The following CFLAR variants were observed in gnomAD, a reference collection of about 807,000 sequenced individuals.
The protein encoded by CFLAR is CASP8 and FADD-like apoptosis regulator.
CFLAR carries 14 observed loss-of-function variants against 51.1 expected under a neutral mutation model. That is an observed-to-expected ratio of 0.27 (90% confidence interval 0.18 to 0.43). CFLAR has a LOEUF of 0.43. Ranked by LOEUF, CFLAR falls within the 20% of genes least tolerant of loss-of-function variation. The probability of loss-of-function intolerance (pLI) is 1.00; values close to 1 mark genes in which losing one functional copy is unlikely to be tolerated. For missense variants in CFLAR, 390 were observed against 566.5 expected, an observed-to-expected ratio of 0.69 and a Z score of 3.16; for synonymous variants, 210 against 211.6, an observed-to-expected ratio of 0.99 and a Z score of 0.06.
intron 5 of CFLAR, among the ~76,000 whole-genome samples, chr2:201,145,143 G>A (rs906349044): frequency 1.3e-5 from 2 of 152,108 alleles, no homozygotes; most frequent in Admixed American, 6.6e-5. Context: ...GTCAGCCATC[G>A]CTCCCGGCCT....
chr2:201,154,371 C>G (rs56009967), intron 8 of CFLAR: 38,229 of 156,064 alleles, frequency 0.24, 5,485 homozygotes, highest in African/African-American at 0.4. Flanking sequence ...TTACAGGCGT[C>G]AGCCATCATG....
intron 1 of CFLAR, among the ~76,000 whole-genome samples, chr2:201,127,798 C>T (rs890186599): frequency 6.6e-6 from 1 of 152,158 alleles, no homozygotes; most frequent in Non-Finnish European, 1.5e-5. Flanking sequence ...TGCTGCCAAA[C>T]TCTACCCCCG....
intron 6 of CFLAR, chr2:201,147,879 A>AAAT (rs1239642227): frequency 1.3e-5 from 2 of 152,132 alleles, no homozygotes; most frequent in African/African-American, 4.8e-5. Context: ...ATAAATAAAT[A>AAAT]AATAATAATA....
Position 201,137,544 on chromosome 2 carries a change from A to G in CFLAR, c.523+1437A>G, listed in dbSNP as rs966373592. 9 of 688,966 alleles carry G rather than the reference A, an allele frequency of 1.3e-5. No homozygotes were observed. The African/African-American group carries it at 1.6e-4, about 12-fold the overall frequency. The allele number at this position is 688,966 out of a possible 1,614,324, so 42.7% of individuals were successfully genotyped here. On this transcript the variant is annotated intron_variant, in intron 4 of 9. Transcript: ENST00000309955. ...GTACAGCCACTTCTCGTAAGAGTGCAGGCCATGGATGCCACCGTCGATCTG... is the reference window on the plus strand; with the variant it reads ...GTACAGCCACTTCTCGTAAGAGTGCGGGCCATGGATGCCACCGTCGATCTG...
intron 3 of CFLAR, 72 bp downstream of exon 3, chr2:201,133,206 G>A: frequency 8.7e-7 from 1 of 1,153,428 alleles, no homozygotes. Flanking sequence ...TTGATACAGA[G>A]AGAGGGAAGC....
intron 1 of CFLAR, among the ~76,000 whole-genome samples, chr2:201,119,810 G>A (rs2047992761): frequency 1.3e-5 from 2 of 149,170 alleles, no homozygotes; most frequent in South Asian, 4.2e-4. Context: ...GGTTCATTCC[G>A]TAGAGATAAC....
chr2:201,154,111 G>A (rs1941758580), intron 8 of CFLAR: 1 of 299,308 alleles, frequency 3.3e-6, no homozygotes, highest in Admixed American at 4.4e-5. Context: ...TTATTTTTAA[G>A]ACGGAGTTTC....
At position 201,138,701 on chromosome 2, in the gene CFLAR, C is replaced by CACGG; in HGVS notation, c.524-1655_524-1652dup. ...CCACAGTGTGCAAGGGGCTCAGCAC[C>CACGG]ACGGGGTGTGTGATAAAGCCCGGTT... On this transcript the variant is annotated intron_variant, in intron 4 of 9. Coordinates refer to ENST00000309955, the MANE Select transcript of CFLAR (RefSeq NM_003879.7). This position sits in a 1 kb window ranked among gnomAD's most constrained non-coding sequence, Gnocchi z 4.0. The CACGG allele has an allele frequency of 2.4e-6, 2 of 833,708 alleles. No homozygotes were observed. Among genetic ancestry groups the CACGG allele is most frequent in the Middle Eastern group, 3.4e-4 (1 of 2,946 alleles). 51.6% of individuals were successfully genotyped at this position (833,708 alleles called of 1,614,324 possible).
rs1944132329 is a variant in CFLAR, at chr2:201,174,203, A to G, written c.*10230A>G. 1 of 152,122 alleles carries G rather than the reference A, an allele frequency of 6.6e-6. No individual in the cohort carries two copies. The highest frequency in any genetic ancestry group is 1.5e-5 in the Non-Finnish European group (1 of 68,020). 9.4% of individuals were successfully genotyped at this position (152,122 alleles called of 1,614,324 possible). A position where few individuals can be genotyped will look rare whatever the true frequency, so the allele number is the denominator to read the frequency against. ...ACCTAAAAAACCATTGTCTAAATCA[A>G]TTGCCTATGAGGTGTTACCCCTATG... is the stretch of plus-strand genomic sequence containing the variant. On this transcript the variant is annotated 3_prime_UTR_variant, in exon 10 of 10. Transcript: ENST00000309955.
In CFLAR at chr2:201,166,702, T is replaced by A. The variant is rs532256053; in HGVS notation, c.*2729T>A. 51 of 170,986 alleles carry A rather than the reference T, an allele frequency of 3.0e-4. No homozygotes were observed. The highest frequency in any genetic ancestry group is 5.2e-4 in the Non-Finnish European group (43 of 82,266). 10.6% of individuals were successfully genotyped at this position (170,986 alleles called of 1,614,324 possible). ...ATTGAGCACTGAGTGGACGAGACTC[T>A]GCCCGCAATCCCGGCACCTCGGGAG... On this transcript the variant is annotated 3_prime_UTR_variant, in exon 10 of 10. Transcript: ENST00000309955.
At position 201,133,224 on chromosome 2, in the gene CFLAR, C is replaced by T. The variant is rs1269260353; in HGVS notation, c.387+90C>T. Reference sequence around the variant, plus strand: ...ATACAGAGAGAGGGAAGCAGGCAGTCTGCCGCCACTATAGTGGGAGTCAGA... The same window carrying T: ...ATACAGAGAGAGGGAAGCAGGCAGTTTGCCGCCACTATAGTGGGAGTCAGA... On this transcript the variant is annotated intron_variant, in intron 3 of 9. Transcript: ENST00000309955. 3 of 883,616 alleles carry T rather than the reference C, an allele frequency of 3.4e-6. No individual in the cohort carries two copies. In the African/African-American group the frequency reaches 5.0e-5, roughly 15 times the overall value. The allele number at this position is 883,616 out of a possible 1,614,324, so 54.7% of individuals were successfully genotyped here.
At position 201,172,662 on chromosome 2, in the gene CFLAR, C is replaced by T. The variant is rs181941301; in HGVS notation, c.*8689C>T. The T allele has an allele frequency of 2.0e-5, 3 of 152,182 alleles. No individual in the cohort carries two copies. The highest frequency in any genetic ancestry group is 4.4e-5 in the Non-Finnish European group (3 of 68,040). The allele number at this position is 152,182 out of a possible 1,614,324, so 9.4% of individuals were successfully genotyped here. On this transcript the variant is annotated 3_prime_UTR_variant, in exon 10 of 10. Coordinates refer to ENST00000309955, the MANE Select transcript of CFLAR (RefSeq NM_003879.7). Reference sequence around the variant, plus strand: ...ATATTTTATAAAAATAAACATGTGGCCTTTCGTGTCTGACTTCCTTCACTT... The same window carrying T: ...ATATTTTATAAAAATAAACATGTGGTCTTTCGTGTCTGACTTCCTTCACTT...
At chr2:201,149,665 A>C in intron 7 of CFLAR, 89 bp from the exon 8 acceptor site, 2 of 977,946 alleles carry the variant, frequency 2.0e-6, no homozygotes, top group Non-Finnish European at 3.2e-6. Flanking sequence ...TGCCAAAGGA[A>C]ATCCAAAAGA....
rs539524857 is a variant in CFLAR, at chr2:201,135,394, G to A, written c.388-578G>A. 3.9e-5 allele frequency among the ~76,000 whole-genome samples: 6 copies of A among 152,116 alleles called. No homozygotes were observed. The South Asian group carries it at 1.0e-3, about 26-fold the overall frequency. On this transcript the variant is annotated intron_variant, in intron 3 of 9. Transcript: ENST00000309955. Reference sequence around the variant, plus strand: ...TGTCTTTTCAGCCCTGCTCTTTCACGGTCCTTCTCAATGACACAACATGGC... The same window carrying A: ...TGTCTTTTCAGCCCTGCTCTTTCACAGTCCTTCTCAATGACACAACATGGC...
chr2:201,150,128 GTT>G (rs1449616067), intron 8 of CFLAR: 1 of 178,988 alleles, frequency 5.6e-6, no homozygotes, highest in Non-Finnish European at 1.2e-5. Flanking sequence ...GAGGTCAGGA[GTT>G]CAAGACCAGC....
In CFLAR at chr2:201,124,197, T is replaced by C. The variant is rs560299686; in HGVS notation, c.-137-5532T>C. Among the ~76,000 whole-genome samples the C allele has an allele frequency of 1.3e-5, 2 of 152,260 alleles. No homozygotes were observed. Among genetic ancestry groups the C allele is most frequent in the South Asian group, 2.1e-4 (1 of 4,822 alleles). On this transcript the variant is annotated intron_variant, in intron 1 of 9. Transcript: ENST00000309955. The surrounding 1 kb of genome is among the most constrained non-coding windows in gnomAD (Gnocchi z 4.7). ...AATATGTGCCTTTGTTACCAGATAGTTTGGGGGCAGCGTTGGTGTTCTGTG... is the reference window on the plus strand; with the variant it reads ...AATATGTGCCTTTGTTACCAGATAGCTTGGGGGCAGCGTTGGTGTTCTGTG...
At chr2:201,119,948 C>A (rs2048021665) in intron 1 of CFLAR, among the ~76,000 whole-genome samples, 1 of 141,322 alleles carries the variant, frequency 7.1e-6, no homozygotes, top group Admixed American at 7.1e-5. Context: ...CAAGATATTT[C>A]ATTTTTTAAA....
intron 1 of CFLAR, among the ~76,000 whole-genome samples, chr2:201,125,713 G>T (rs1294627910): frequency 6.6e-6 from 1 of 152,074 alleles, no homozygotes; most frequent in African/African-American, 2.4e-5. Context: ...TGGGAAAGGA[G>T]CTGAACAGAG....
chr2:201,149,869 C>T (rs1179937056), intron 8 of CFLAR, 34 bp downstream of exon 8: 1 of 1,513,272 alleles, frequency 6.6e-7, no homozygotes, highest in Admixed American at 1.7e-5. Context: ...ACTGGTGCCC[C>T]CAGATTGAGA....
Sources: allele counts gnomAD v4.1 joint callset (sites outside exome capture counted in the v4.1 genomes callset), GRCh38; gene constraint gnomAD v4.1.1; non-coding constraint Gnocchi (gnomAD v3.1); transcripts MANE v1.5; gene names NCBI Gene and HGNC (gene_info 2026-07-23, HGNC 2026-07-21).